Variants in FSTL5 observed in about 807,000 individuals in gnomAD.
FSTL5 encodes the protein follistatin like 5.
In FSTL5, 62 loss-of-function variants were observed where a neutral mutation model predicts 89.1. The ratio of observed to expected loss-of-function variants is 0.70; its 90% CI spans 0.57 to 0.86. The LOEUF is 0.86. Ranked by LOEUF, FSTL5 falls within the 40% of genes least tolerant of loss-of-function variation. FSTL5 has a pLI of 0.00. For missense variants in FSTL5, 1,057 were observed against 1,001.6 expected, an observed-to-expected ratio of 1.06 and a Z score of -0.75; for synonymous variants, 383 against 346.2, an observed-to-expected ratio of 1.11 and a Z score of -1.18.
chr4:161,604,442 T>C (rs1019452277), intron 7 of FSTL5, among the ~76,000 whole-genome samples: 1 of 152,018 alleles, frequency 6.6e-6, no homozygotes, highest in Non-Finnish European at 1.5e-5. Flanking sequence ...TAATGGAAAG[T>C]TATATACTAA....
chr4:161,603,062 C>A (rs531305590), intron 7 of FSTL5, among the ~76,000 whole-genome samples: 2 of 152,052 alleles, frequency 1.3e-5, no homozygotes, highest in South Asian at 4.2e-4. Flanking sequence ...AAATGCATAA[C>A]AACAACAGGA....
chr4:161,482,415 TAAC>T (rs1319054414), intron 12 of FSTL5, among the ~76,000 whole-genome samples: 3 of 152,326 alleles, frequency 2.0e-5, no homozygotes, highest in Non-Finnish European at 4.4e-5. Flanking sequence ...GTCTGACAAT[TAAC>T]AACGTCTAAT....
chr4:161,944,174 T>C (rs1033203069), intron 3 of FSTL5, among the ~76,000 whole-genome samples: 2 of 152,176 alleles, frequency 1.3e-5, no homozygotes, highest in Non-Finnish European at 2.9e-5. Context: ...TGGATGTATT[T>C]ATAGCTAGAA....
At chr4:161,731,956 A>G (rs894091482) in intron 6 of FSTL5, among the ~76,000 whole-genome samples, 2 of 152,056 alleles carry the variant, frequency 1.3e-5, no homozygotes, top group Admixed American at 6.6e-5. Context: ...AACTGCTATA[A>G]ACATATGTTT....
intron 5 of FSTL5, among the ~76,000 whole-genome samples, chr4:161,765,417 A>C (rs2126794494): frequency 6.6e-6 from 1 of 152,338 alleles, no homozygotes. Flanking sequence ...ATAGCAAATA[A>C]ATATGTTGAC....
At chr4:161,684,642 T>C (rs1442963316) in intron 6 of FSTL5, among the ~76,000 whole-genome samples, 2 of 152,184 alleles carry the variant, frequency 1.3e-5, no homozygotes, top group African/African-American at 4.8e-5. Flanking sequence ...TTTGTTTGAG[T>C]TCCTTGTAGA....
intron 1 of FSTL5, among the ~76,000 whole-genome samples, chr4:162,140,836 A>T (rs1400696006): frequency 6.6e-6 from 1 of 152,132 alleles, no homozygotes; most frequent in East Asian, 1.9e-4. Flanking sequence ...TGATATGAGG[A>T]GTAGAAGAAA....
intron 4 of FSTL5, among the ~76,000 whole-genome samples, chr4:161,797,476 CT>C (rs1208548065): frequency 6.6e-6 from 1 of 151,588 alleles, no homozygotes; most frequent in Non-Finnish European, 1.5e-5. Flanking sequence ...GTTTTAATCA[CT>C]TAAAACATTA....
chr4:161,535,604 T>C (rs1054255588), intron 10 of FSTL5, among the ~76,000 whole-genome samples: 1 of 152,066 alleles, frequency 6.6e-6, no homozygotes, highest in African/African-American at 2.4e-5. Flanking sequence ...GGCAAGGTTA[T>C]GGAGAAAAGC....
intron 4 of FSTL5, among the ~76,000 whole-genome samples, chr4:161,876,512 G>A (rs1668584122): frequency 6.6e-6 from 1 of 152,118 alleles, no homozygotes; most frequent in Non-Finnish European, 1.5e-5. Context: ...TTACAATGTA[G>A]TTTTTACATT....
At chr4:161,896,267 C>G (rs1733154170) in intron 4 of FSTL5, among the ~76,000 whole-genome samples, 1 of 152,064 alleles carries the variant, frequency 6.6e-6, no homozygotes, top group African/African-American at 2.4e-5. Context: ...TTAAATGAAA[C>G]ACATGAAATA....
intron 12 of FSTL5, among the ~76,000 whole-genome samples, chr4:161,494,185 C>T (rs573414634): frequency 2.0e-5 from 3 of 152,136 alleles, no homozygotes; most frequent in African/African-American, 7.2e-5. Flanking sequence ...GGGAATAAAG[C>T]TCACATTTTT....
intron 6 of FSTL5, among the ~76,000 whole-genome samples, chr4:161,724,167 CA>C (rs1739313736): frequency 6.6e-6 from 1 of 152,044 alleles, no homozygotes; most frequent in African/African-American, 2.4e-5. Context: ...GGAAAAATTA[CA>C]AAAATGTTTC....
intron 2 of FSTL5, among the ~76,000 whole-genome samples, chr4:162,073,968 T>C (rs113895170): frequency 1.8e-4 from 28 of 151,842 alleles, no homozygotes; most frequent in Middle Eastern, 3.4e-3. Flanking sequence ...AAACTGAAAT[T>C]TTTTCCTTGT....
chr4:161,902,067 T>G (rs1308543818), intron 4 of FSTL5, among the ~76,000 whole-genome samples: 1 of 152,218 alleles, frequency 6.6e-6, no homozygotes, highest in Non-Finnish European at 1.5e-5. Flanking sequence ...ATTTGTTACA[T>G]GTATTCTGAT....
At chr4:161,671,454 G>C (rs1004552623) in intron 6 of FSTL5, among the ~76,000 whole-genome samples, 1 of 152,034 alleles carries the variant, frequency 6.6e-6, no homozygotes, top group East Asian at 1.9e-4. Flanking sequence ...TAAGACCTAC[G>C]GTATGCAAAG....
intron 9 of FSTL5, among the ~76,000 whole-genome samples, chr4:161,538,651 A>G (rs1212582528): frequency 6.6e-6 from 1 of 152,150 alleles, no homozygotes; most frequent in Non-Finnish European, 1.5e-5. Flanking sequence ...ATTTTTCAGA[A>G]ATCTAATAAT....
intron 10 of FSTL5, among the ~76,000 whole-genome samples, chr4:161,523,393 TTCTA>T (rs1388618076): frequency 6.6e-6 from 1 of 152,220 alleles, no homozygotes; most frequent in African/African-American, 2.4e-5. Flanking sequence ...GCAGATTACC[TTCTA>T]TCTATTATAA....
At chr4:161,785,236 T>C (rs1328800373) in intron 4 of FSTL5, among the ~76,000 whole-genome samples, 2 of 152,278 alleles carry the variant, frequency 1.3e-5, no homozygotes, top group East Asian at 3.9e-4. Flanking sequence ...GGTGCATCCA[T>C]TTGTCTTGGG....
Sources: gnomAD v4.1 joint callset for allele counts (sites outside exome capture counted in the v4.1 genomes callset) on GRCh38, gnomAD v4.1.1 for gene constraint, MANE v1.5 for transcripts, NCBI Gene and HGNC (gene_info 2026-07-23, HGNC 2026-07-21) for gene names.